Variants in TMEM62 observed in about 807,000 individuals in gnomAD.
TMEM62 encodes transmembrane protein 62.
A neutral mutation model predicts 70.4 loss-of-function variants in TMEM62; 41 were observed. The ratio of observed to expected loss-of-function variants is 0.58; its 90% CI spans 0.45 to 0.76. The LOEUF (loss-of-function observed/expected upper bound fraction) is 0.76, where lower values mean the gene tolerates loss of function less well. Ranked by LOEUF, TMEM62 falls within the 30% of genes least tolerant of loss-of-function variation. The probability of loss-of-function intolerance (pLI) is 0.00; values close to 1 mark genes in which losing one functional copy is unlikely to be tolerated. For synonymous variants in TMEM62, 268 were observed against 291.0 expected (o/e 0.92, Z 0.80); for missense variants, 688 against 788.5 (o/e 0.87, Z 1.53).
At chr15:43,158,805 G>C (rs2038331517) in intron 9 of TMEM62, among the ~76,000 whole-genome samples, 1 of 152,074 alleles carries the variant, frequency 6.6e-6, no homozygotes, top group Non-Finnish European at 1.5e-5. Context: ...TAATGAGTTG[G>C]TTCTTTAGTA....
At chr15:43,164,278 TA>T (rs1295319912) in intron 10 of TMEM62, among the ~76,000 whole-genome samples, 2 of 152,102 alleles carry the variant, frequency 1.3e-5, no homozygotes, top group South Asian at 2.1e-4. Context: ...GTCCATCTCT[TA>T]AAAAAACTGA....
intron 4 of TMEM62, among the ~76,000 whole-genome samples, chr15:43,143,928 G>T (rs2036368806): frequency 6.6e-6 from 1 of 152,202 alleles, no homozygotes; most frequent in African/African-American, 2.4e-5. Flanking sequence ...AGATACATGA[G>T]TTAATGTTAA....
rs185421312 is a variant in TMEM62, at chr15:43,165,590, C to T, written c.1297-4003C>T. ...CTACTAAAAATACAAAAAATTAGCC[C>T]GGTGTGGTGGCGGGCACCTGTAGTC... is the stretch of plus-strand genomic sequence containing the variant. On this transcript the variant is annotated intron_variant, in intron 10 of 13. Coordinates refer to ENST00000260403, the MANE Select transcript of TMEM62 (RefSeq NM_024956.4). 1.2e-3 allele frequency among the ~76,000 whole-genome samples: 178 copies of T among 151,176 alleles called. 2 individuals carry two copies. The East Asian group carries it at 0.029, about 24-fold the overall frequency.
In TMEM62 at chr15:43,146,583, T is replaced by C; in HGVS notation, c.567T>C (p.Thr189=). The C allele has an allele frequency of 6.2e-7, 1 of 1,613,774 alleles. No homozygotes were observed. The highest frequency in any genetic ancestry group is 8.5e-7 in the Non-Finnish European group (1 of 1,179,748). ...ATTCGTTCATCTGTGTAGATGCCAC[T>C]GTAAATCCAGGGCCTAAGAGACCCT... ...GNYSFICVDA[T]VNPGPKRPYN... is the part of the protein sequence containing the mutation. The change falls in exon 5 of 14, where the codon ACT becomes ACC. Residue 189 remains threonine (T), a synonymous_variant. Transcript: ENST00000260403.
chr15:43,134,231 C>T (rs761307293), intron 1 of TMEM62, 26 bp from the exon 2 acceptor site: 22 of 1,608,048 alleles, frequency 1.4e-5, no homozygotes, highest in Non-Finnish European at 1.9e-5. Context: ...GCTCAGATCT[C>T]TCTGTTCAAT....
chr15:43,164,808 C>G (rs1443643323), intron 10 of TMEM62, among the ~76,000 whole-genome samples: 1 of 152,022 alleles, frequency 6.6e-6, no homozygotes, highest in Non-Finnish European at 1.5e-5. Flanking sequence ...TTTATTTCTC[C>G]TTCATGTTTG....
intron 9 of TMEM62, among the ~76,000 whole-genome samples, chr15:43,157,304 T>C (rs1200068227): frequency 6.6e-6 from 1 of 152,172 alleles, no homozygotes; most frequent in Non-Finnish European, 1.5e-5. Flanking sequence ...CCTAGCAATC[T>C]AGTTTAACAA....
At chr15:43,140,134 C>T (rs1212661388) in intron 4 of TMEM62, among the ~76,000 whole-genome samples, 1 of 152,068 alleles carries the variant, frequency 6.6e-6, no homozygotes, top group African/African-American at 2.4e-5. Flanking sequence ...CTCTCCCCAC[C>T]CTTGCAGTCT....
intron 10 of TMEM62, among the ~76,000 whole-genome samples, chr15:43,168,431 A>G (rs2039827393): frequency 6.6e-6 from 1 of 152,030 alleles, no homozygotes; most frequent in African/African-American, 2.4e-5. Flanking sequence ...TAGTCAGCAG[A>G]TGGTGAATCT....
chr15:43,134,364 A>T lies in TMEM62; in HGVS notation c.288A>T (p.Ala96=). Residue 96 remains alanine, a synonymous_variant, in exon 2 of 14, where the codon GCA becomes GCT. Transcript: ENST00000260403. Reference sequence around the variant, plus strand: ...TCATTCAACCAGCTCTCGTCCTAGCAACAGGTAGGGAGGCTTGCCGTGCTG... The same window carrying T: ...TCATTCAACCAGCTCTCGTCCTAGCTACAGGTAGGGAGGCTTGCCGTGCTG... The part of the protein sequence containing the change: ...IDIIQPALVL[A]TGDLTDAKTK... The T allele has an allele frequency of 1.2e-6, 2 of 1,611,300 alleles. No homozygotes were observed. Among genetic ancestry groups the T allele is most frequent in the Non-Finnish European group, 1.7e-6 (2 of 1,177,574 alleles).
intron 4 of TMEM62, among the ~76,000 whole-genome samples, chr15:43,144,900 T>G (rs1329909966): frequency 6.6e-6 from 1 of 152,158 alleles, no homozygotes; most frequent in Non-Finnish European, 1.5e-5. Context: ...TTTGTATTTT[T>G]GTTTTTAGCC....
chr15:43,168,690 G>A (rs946750822), intron 10 of TMEM62, among the ~76,000 whole-genome samples: 1 of 152,170 alleles, frequency 6.6e-6, no homozygotes, highest in African/African-American at 2.4e-5. Flanking sequence ...GGGGATGGGT[G>A]ACACAAGTAC....
chr15:43,169,835 T>C (rs560139322), intron 11 of TMEM62, 158 bp downstream of exon 11: 431 of 590,918 alleles, frequency 7.3e-4, no homozygotes, highest in Non-Finnish European at 1.2e-3. Flanking sequence ...CCTGAGGCAG[T>C]TGGATTACAG....
chr15:43,173,395 C>T (rs1345626638), intron 11 of TMEM62, among the ~76,000 whole-genome samples: 4 of 152,208 alleles, frequency 2.6e-5, no homozygotes, highest in Admixed American at 1.3e-4. Context: ...CCATAGATCA[C>T]TTCTGTATGC....
At chr15:43,145,079 G>C (rs1412902227) in intron 4 of TMEM62, among the ~76,000 whole-genome samples, 1 of 139,062 alleles carries the variant, frequency 7.2e-6, no homozygotes, top group African/African-American at 2.7e-5. Flanking sequence ...ACTCCAGCCT[G>C]GGCGACAGAG....
chr15:43,168,810 C>T (rs1378045708), intron 10 of TMEM62, among the ~76,000 whole-genome samples: 1 of 152,176 alleles, frequency 6.6e-6, no homozygotes, highest in Non-Finnish European at 1.5e-5. Context: ...GTCCTTGTGG[C>T]TTGACTGCCT....
chr15:43,177,343 A>G (rs1261709054), intron 11 of TMEM62, among the ~76,000 whole-genome samples: 4 of 152,108 alleles, frequency 2.6e-5, no homozygotes, highest in Non-Finnish European at 5.9e-5. Context: ...TTAAAAAGTC[A>G]GGAAGCAACA....
At chr15:43,176,971 C>A (rs1370054233) in intron 11 of TMEM62, among the ~76,000 whole-genome samples, 2 of 151,948 alleles carry the variant, frequency 1.3e-5, no homozygotes, top group Non-Finnish European at 2.9e-5. Flanking sequence ...ACTAGAATAA[C>A]CAATACAGAG....
chr15:43,153,702 G>GTA (rs1223436937), intron 8 of TMEM62, among the ~76,000 whole-genome samples: 5 of 151,646 alleles, frequency 3.3e-5, no homozygotes, highest in Non-Finnish European at 7.4e-5. Flanking sequence ...ACACACATAT[G>GTA]TATACACACA....
Sources: allele counts gnomAD v4.1 joint callset (sites outside exome capture counted in the v4.1 genomes callset), GRCh38; gene constraint gnomAD v4.1.1; transcripts MANE v1.5; gene names NCBI Gene and HGNC (gene_info 2026-07-23, HGNC 2026-07-21).